The following CTNNA3 variants were observed in gnomAD, a reference collection of about 807,000 sequenced individuals.
CTNNA3 encodes catenin alpha-3.
Under a neutral mutation model 95.7 loss-of-function variants are expected in CTNNA3, and 76 were observed. The ratio of observed to expected loss-of-function variants is 0.79; its 90% confidence interval spans 0.66 to 0.96. The LOEUF (loss-of-function observed/expected upper bound fraction) is 0.96, where lower values mean the gene tolerates loss of function less well. CTNNA3 is among the 40% of genes least tolerant of loss of function. The pLI is 0.00. For missense variants in CTNNA3, 1,191 were observed against 1,089.8 expected (o/e 1.09, Z -1.31); for synonymous variants, 431 against 374.4 (o/e 1.15, Z -1.74).
intron 7 of CTNNA3, among the ~76,000 whole-genome samples, chr10:66,903,844 G>A (rs569015645): frequency 3.2e-4 from 49 of 152,252 alleles, no homozygotes; most frequent in African/African-American, 1.2e-3. Flanking sequence ...CCTCTTCAAG[G>A]AGAACTACAA....
intron 5 of CTNNA3, among the ~76,000 whole-genome samples, chr10:67,223,106 A>G (rs957904256): frequency 6.6e-6 from 1 of 152,222 alleles, no homozygotes; most frequent in Non-Finnish European, 1.5e-5. Context: ...CAGTGAACAT[A>G]ACAAATATAA....
At chr10:67,115,606 G>T (rs1289824175) in intron 7 of CTNNA3, among the ~76,000 whole-genome samples, 1 of 151,742 alleles carries the variant, frequency 6.6e-6, no homozygotes, top group Non-Finnish European at 1.5e-5. Context: ...TTAGCCACAG[G>T]ATTTATCTTT....
intron 5 of CTNNA3, among the ~76,000 whole-genome samples, chr10:67,428,001 T>G (rs1486337682): frequency 2.0e-5 from 3 of 152,084 alleles, no homozygotes; most frequent in Non-Finnish European, 4.4e-5. Context: ...ATGAAAAGTC[T>G]TCTTCCCCCT....
intron 5 of CTNNA3, among the ~76,000 whole-genome samples, chr10:67,392,016 C>A (rs1298299996): frequency 2.6e-5 from 4 of 151,792 alleles, no homozygotes; most frequent in Non-Finnish European, 5.9e-5. Context: ...ATGTCTAAAA[C>A]ACCAAAAGCA....
intron 15 of CTNNA3, among the ~76,000 whole-genome samples, chr10:66,018,406 T>C (rs1021470622): frequency 6.6e-6 from 1 of 152,106 alleles, no homozygotes; most frequent in African/African-American, 2.4e-5. Context: ...TGTGAAAGCA[T>C]TGTAAATTTT....
chr10:66,480,442 C>A (rs1398729784), intron 11 of CTNNA3, among the ~76,000 whole-genome samples: 1 of 152,074 alleles, frequency 6.6e-6, no homozygotes, highest in African/African-American at 2.4e-5. Context: ...TTCATTTGCT[C>A]TTTTAATTAT....
chr10:66,951,026 A>T (rs1848510637), intron 7 of CTNNA3, among the ~76,000 whole-genome samples: 1 of 151,432 alleles, frequency 6.6e-6, no homozygotes, highest in African/African-American at 2.4e-5. Flanking sequence ...AAGACAAGTC[A>T]TTTTGCCTTG....
At chr10:67,403,676 A>C (rs909155730) in intron 5 of CTNNA3, among the ~76,000 whole-genome samples, 2 of 151,976 alleles carry the variant, frequency 1.3e-5, no homozygotes, top group African/African-American at 4.8e-5. Flanking sequence ...GGGTGAAGGG[A>C]AGCCAAACAC....
At chr10:66,300,355 T>C (rs1037824660) in intron 12 of CTNNA3, among the ~76,000 whole-genome samples, 1 of 152,128 alleles carries the variant, frequency 6.6e-6, no homozygotes, top group African/African-American at 2.4e-5. Context: ...GGTGCTTGTA[T>C]TGAAAATTCT....
chr10:66,078,640 CA>C (rs2080627030), intron 14 of CTNNA3, among the ~76,000 whole-genome samples: 1 of 151,886 alleles, frequency 6.6e-6, no homozygotes, highest in Non-Finnish European at 1.5e-5. Context: ...TAAGCCATAT[CA>C]AAACTGTCCT....
chr10:67,718,110 G>A (rs535709528), intron 1 of CTNNA3, among the ~76,000 whole-genome samples: 113 of 151,828 alleles, frequency 7.4e-4, no homozygotes, highest in African/African-American at 2.5e-3. Context: ...TCATGATTTG[G>A]CTTTCTGTCT....
At chr10:66,808,820 A>G (rs897259132) in intron 7 of CTNNA3, among the ~76,000 whole-genome samples, 13 of 152,198 alleles carry the variant, frequency 8.5e-5, no homozygotes, top group Non-Finnish European at 1.6e-4. Flanking sequence ...CTTAATGGCC[A>G]TCAAAATTTG....
At chr10:67,356,172 T>C (rs1223227456) in intron 5 of CTNNA3, among the ~76,000 whole-genome samples, 6 of 152,052 alleles carry the variant, frequency 3.9e-5, no homozygotes, top group African/African-American at 1.2e-4. Context: ...CCTCATGTTC[T>C]ATCTCCTCCT....
At chr10:66,792,428 A>C (rs898104216) in intron 7 of CTNNA3, among the ~76,000 whole-genome samples, 1 of 152,138 alleles carries the variant, frequency 6.6e-6, no homozygotes. Context: ...GTAGATTCTA[A>C]TTATTTATGT....
chr10:66,070,295 T>C (rs1400975538), intron 14 of CTNNA3, among the ~76,000 whole-genome samples: 4 of 152,146 alleles, frequency 2.6e-5, no homozygotes, highest in Non-Finnish European at 5.9e-5. Context: ...AGCACGTAAA[T>C]GAAGACACAG....
At chr10:67,599,297 C>T (rs531980670) in intron 3 of CTNNA3, among the ~76,000 whole-genome samples, 1 of 152,170 alleles carries the variant, frequency 6.6e-6, no homozygotes, top group East Asian at 1.9e-4. Context: ...ACCATTTCAC[C>T]CAAACAAGAA....
intron 5 of CTNNA3, among the ~76,000 whole-genome samples, chr10:67,509,686 T>G (rs1247846619): frequency 6.6e-6 from 1 of 152,232 alleles, no homozygotes; most frequent in African/African-American, 2.4e-5. Flanking sequence ...GCATGATTTA[T>G]AATCCATTGG....
intron 9 of CTNNA3, among the ~76,000 whole-genome samples, chr10:66,765,786 G>C (rs1839823019): frequency 6.6e-6 from 1 of 152,048 alleles, no homozygotes; most frequent in Non-Finnish European, 1.5e-5. Flanking sequence ...TTTTGCCCCT[G>C]TGGGGACATG....
chr10:66,515,345 C>CTCTATATATATATA (rs558913767), intron 11 of CTNNA3, among the ~76,000 whole-genome samples: 9 of 148,892 alleles, frequency 6.0e-5, no homozygotes, highest in Non-Finnish European at 1.2e-4. Context: ...CTCTCTCTCT[C>CTCTATATATATATA]TATATATATA....
Sources: gnomAD v4.1 joint callset for allele counts (sites outside exome capture counted in the v4.1 genomes callset) on GRCh38, gnomAD v4.1.1 for gene constraint, MANE v1.5 for transcripts, NCBI Gene and HGNC (gene_info 2026-07-23, HGNC 2026-07-21) for gene names.